Variants in RAB11FIP1 observed in about 807,000 individuals in gnomAD.
RAB11FIP1 encodes the protein RAB11 family interacting protein 1.
RAB11FIP1 carries 49 observed loss-of-function variants against 83.1 expected under a neutral mutation model. The observed-to-expected ratio is 0.59, with a 90% CI of 0.47 to 0.75. The LOEUF (loss-of-function observed/expected upper bound fraction) is 0.75, where lower values mean the gene tolerates loss of function less well. Ranked by LOEUF, RAB11FIP1 falls within the 30% of genes least tolerant of loss-of-function variation. The pLI is 0.00. For synonymous variants in RAB11FIP1, 670 were observed against 656.0 expected (o/e 1.02, Z -0.33); for missense variants, 1,536 against 1,598.7 (o/e 0.96, Z 0.67).
chr8:37,865,703 A>G (rs1806328913), intron 5 of RAB11FIP1, among the ~76,000 whole-genome samples: 1 of 152,182 alleles, frequency 6.6e-6, no homozygotes. Flanking sequence ...TTTAATAAGC[A>G]TTTTTTCCAT....
chr8:37,893,976 T>C (rs1807008881), intron 1 of RAB11FIP1, among the ~76,000 whole-genome samples: 1 of 152,210 alleles, frequency 6.6e-6, no homozygotes, highest in Admixed American at 6.5e-5. Context: ...ATTTCATTCC[T>C]CTGTTATAAG....
chr8:37,863,373 G>A (rs1216820509), intron 5 of RAB11FIP1, among the ~76,000 whole-genome samples: 1 of 152,084 alleles, frequency 6.6e-6, no homozygotes, highest in Non-Finnish European at 1.5e-5. Flanking sequence ...AGCCTCCTGA[G>A]TAGCTAGGAC....
At chr8:37,879,333 A>T (rs2130166832) in intron 1 of RAB11FIP1, among the ~76,000 whole-genome samples, 1 of 152,244 alleles carries the variant, frequency 6.6e-6, no homozygotes, top group East Asian at 1.9e-4. Context: ...ACAAAAAAAA[A>T]AGTGAAATCA....
In RAB11FIP1 at chr8:37,899,382, C is replaced by T. The variant is rs772559236; in HGVS notation, c.60G>A (p.Val20=). 3.2e-5 allele frequency: 51 copies of T among 1,603,278 alleles called. No homozygotes were observed. The East Asian group carries it at 8.4e-4, about 26-fold the overall frequency. The stretch of plus-strand genomic sequence containing the variant: ...CCCGCGCCTGCAGCACCGTCACCTG[C>T]ACGTGGGTTGGGGACCACACGGCCC... ...GLGAVWSPTH[V]QVTVLQARGL... The change falls in exon 1 of 6, where the codon GTG becomes GTA. Residue 20 remains valine (V), a synonymous_variant. Coordinates refer to ENST00000330843, the MANE Select transcript of RAB11FIP1 (RefSeq NM_001002814.3). This position sits in a 1 kb window ranked among gnomAD's most constrained non-coding sequence, Gnocchi z 4.5.
intron 1 of RAB11FIP1, among the ~76,000 whole-genome samples, chr8:37,892,740 C>T (rs975804020): frequency 6.6e-6 from 1 of 152,250 alleles, no homozygotes; most frequent in East Asian, 1.9e-4. Flanking sequence ...GCCCAGCCCC[C>T]ACTGCTTTTA....
Position 37,871,622 on chromosome 8 carries a change from T to C in RAB11FIP1, c.3180A>G (p.Ser1060=), listed in dbSNP as rs1806462656. ...GIHKPHLGKS[S]SLDKQLPGPS... is the part of the protein sequence containing the mutation. ...GGCCTGGCAGCTGTTTATCCAAGCT[T>C]GAGCTCTTGCCAAGATGTGGTTTGT... Residue 1060 remains serine, a synonymous_variant, in exon 4 of 6, where the codon TCA becomes TCG. Transcript: ENST00000330843. 2 of 1,604,844 alleles carry C rather than the reference T, an allele frequency of 1.2e-6. No homozygotes were observed. The highest frequency in any genetic ancestry group is 1.7e-5 in the Admixed American group (1 of 59,636).
At position 37,877,099 on chromosome 8, in the gene RAB11FIP1, A is replaced by C. The variant is rs750131321; in HGVS notation, c.814+10T>G. The stretch of plus-strand genomic sequence containing the variant: ...GAAGAGAGGTCAAGCAGGAAGAGGC[A>C]GAAACTCACCATCCGAGGCCGAGGA... On this transcript the variant is annotated intron_variant, in intron 2 of 5. Transcript: ENST00000330843. The C allele has an allele frequency of 6.2e-7, 1 of 1,600,098 alleles. No individual in the cohort carries two copies. Among genetic ancestry groups the C allele is most frequent in the African/African-American group, 1.3e-5 (1 of 74,476 alleles).
At chr8:37,880,385 G>A (rs970394229) in intron 1 of RAB11FIP1, among the ~76,000 whole-genome samples, 3 of 151,932 alleles carry the variant, frequency 2.0e-5, no homozygotes, top group South Asian at 4.2e-4. Context: ...TGCAACCTCC[G>A]CCTCCCGGGT....
chr8:37,866,289 C>G (rs1210522094), intron 5 of RAB11FIP1, among the ~76,000 whole-genome samples: 1 of 151,288 alleles, frequency 6.6e-6, no homozygotes, highest in Non-Finnish European at 1.5e-5. Context: ...GAGCCAAGAT[C>G]GTGCCACTGC....
intron 5 of RAB11FIP1, 75 bp from the exon 6 acceptor site, chr8:37,863,188 C>T (rs1806278287): frequency 8.4e-7 from 1 of 1,191,276 alleles, no homozygotes; most frequent in South Asian, 1.3e-5. Context: ...AAAAGAAGTA[C>T]AAAGGAGGAA....
chr8:37,873,911 T>C (rs1178982508), intron 3 of RAB11FIP1, among the ~76,000 whole-genome samples: 1 of 150,932 alleles, frequency 6.6e-6, no homozygotes, highest in African/African-American at 2.4e-5. Context: ...GTAAGCAGAA[T>C]CTCTAAAAAA....
chr8:37,868,022 G>GT (rs1254541864), intron 5 of RAB11FIP1, among the ~76,000 whole-genome samples: 1 of 152,096 alleles, frequency 6.6e-6, no homozygotes, highest in Non-Finnish European at 1.5e-5. Context: ...GAGGTAGGAC[G>GT]ATCACTTGAG....
chr8:37,882,837 C>T (rs1227454515), intron 1 of RAB11FIP1, among the ~76,000 whole-genome samples: 4 of 152,164 alleles, frequency 2.6e-5, no homozygotes, highest in African/African-American at 4.8e-5. Context: ...AAACTACAAC[C>T]GATTCCAGAA....
chr8:37,887,699 CAG>C (rs1806861381), intron 1 of RAB11FIP1, among the ~76,000 whole-genome samples: 1 of 152,038 alleles, frequency 6.6e-6, no homozygotes, highest in Admixed American at 6.6e-5. Context: ...TCTTCTGAAA[CAG>C]GGTTAGGAAC....
At position 37,874,518 on chromosome 8, in the gene RAB11FIP1, G is replaced by A. The variant is rs971647327; in HGVS notation, c.1619C>T (p.Pro540Leu). Residue 540 changes from proline to leucine, a missense_variant, in exon 3 of 6, where the codon CCC (proline) becomes CTC (leucine). Physicochemically the swap from Pro to Leu is moderately conservative, Grantham distance 98. Transcript: ENST00000330843. ...CACGAGAAGAGCCAAAACTCACCGG[G>A]GCTTGACAGCTCTGGTCTGGGGAGC... ...PRAPQTRAVKPRLEVSPEAQP... is the reference protein window; with the variant it reads ...PRAPQTRAVKLRLEVSPEAQP... The A allele has an allele frequency of 1.1e-5, 18 of 1,613,476 alleles. No individual in the cohort carries two copies. Among genetic ancestry groups the A allele is most frequent in the African/African-American group, 2.7e-5 (2 of 74,894 alleles).
intron 1 of RAB11FIP1, among the ~76,000 whole-genome samples, chr8:37,893,797 A>G (rs1471302312): frequency 6.6e-6 from 1 of 151,996 alleles, no homozygotes; most frequent in Non-Finnish European, 1.5e-5. Context: ...CCAAAAAAAA[A>G]GGATAAACTT....
At chr8:37,877,699 G>T in intron 1 of RAB11FIP1, 148 bp from the exon 2 acceptor site, 2 of 449,846 alleles carry the variant, frequency 4.4e-6, no homozygotes, top group Non-Finnish European at 8.0e-6. Flanking sequence ...AGTGGTAGAT[G>T]AGAGCAGAAT....
At chr8:37,888,421 A>T (rs1806875324) in intron 1 of RAB11FIP1, among the ~76,000 whole-genome samples, 1 of 152,090 alleles carries the variant, frequency 6.6e-6, no homozygotes, top group Non-Finnish European at 1.5e-5. Context: ...TTCCAAACTT[A>T]AAAGATATAT....
At chr8:37,892,132 T>A (rs1232165342) in intron 1 of RAB11FIP1, among the ~76,000 whole-genome samples, 1 of 152,200 alleles carries the variant, frequency 6.6e-6, no homozygotes, top group African/African-American at 2.4e-5. Context: ...ATTTTATGTG[T>A]TCATTCTTAT....
Sources: allele counts gnomAD v4.1 joint callset (sites outside exome capture counted in the v4.1 genomes callset), GRCh38; gene constraint gnomAD v4.1.1; non-coding constraint Gnocchi (gnomAD v3.1); transcripts MANE v1.5; gene names NCBI Gene and HGNC (gene_info 2026-07-23, HGNC 2026-07-21).